Variants in TMEM63A observed in about 807,000 individuals in gnomAD.
The protein encoded by TMEM63A is transmembrane protein 63A, also known as mechanosensitive cation channel TMEM63A.
In TMEM63A, 76 loss-of-function variants were observed where a neutral mutation model predicts 100.6. The observed-to-expected ratio is 0.76, with a 90% CI of 0.63 to 0.91. TMEM63A has a LOEUF of 0.91. Among genes scored for constraint, TMEM63A ranks in the 40% least tolerant of loss-of-function variants. The pLI is 0.00. For missense variants in TMEM63A, 876 were observed against 1,008.8 expected, an observed-to-expected ratio of 0.87 and a Z score of 1.78; for synonymous variants, 401 against 401.1, an observed-to-expected ratio of 1.00 and a Z score of 0.00.
rs1670286448 is a variant in TMEM63A at position 225,867,769 on chromosome 1, C to T, written c.514+119G>A. The stretch of plus-strand genomic sequence containing the variant: ...GAAATGTTCAGAGTCACCCTGAGAC[C>T]ATCTTACATCTGAAGTGGGGCATGA... On this transcript the variant is annotated intron_variant, in intron 7 of 24. Coordinates refer to ENST00000366835, the MANE Select transcript of TMEM63A (RefSeq NM_014698.3). This position sits in a 1 kb window ranked among gnomAD's most constrained non-coding sequence, Gnocchi z 4.6. 14 of 1,335,830 alleles carry T rather than the reference C, an allele frequency of 1.0e-5. No homozygotes were observed. The South Asian group carries it at 1.9e-4, about 18-fold the overall frequency. The allele number at this position is 1,335,830 out of a possible 1,614,324, so 82.7% of individuals were successfully genotyped here. A position where few individuals can be genotyped will look rare whatever the true frequency, so the allele number is the denominator to read the frequency against.
chr1:225,865,886 C>A lies in TMEM63A; in HGVS notation c.746+11G>T, dbSNP rs78657537. 6.2e-7 allele frequency: 1 copy of A among 1,613,602 alleles called. No homozygotes were observed. Among genetic ancestry groups the A allele is most frequent in the Non-Finnish European group, 8.5e-7 (1 of 1,179,808 alleles). On this transcript the variant is annotated intron_variant, in intron 10 of 24. Transcript: ENST00000366835. This position sits in a 1 kb window ranked among gnomAD's most constrained non-coding sequence, Gnocchi z 4.6. ...AGGGGGCTCAGCTCCCCTCCCACCC[C>A]ACCTGCTTACCGGAAGTGGCTCTCC...
intron 3 of TMEM63A, among the ~76,000 whole-genome samples, chr1:225,875,928 C>T (rs1163512795): frequency 1.3e-5 from 2 of 151,598 alleles, no homozygotes; most frequent in South Asian, 2.1e-4. Context: ...AACCCAGACA[C>T]GGTGGCATGT....
downstream of TMEM63A, chr1:225,842,460 T>C (rs1559026521): frequency 6.2e-7 from 1 of 1,613,092 alleles, no homozygotes; most frequent in Non-Finnish European, 8.5e-7. Context: ...ACCTGGAGGA[T>C]GGAGGCCTGG....
chr1:225,870,089 C>T (rs112950033), intron 6 of TMEM63A, among the ~76,000 whole-genome samples: 67 of 152,176 alleles, frequency 4.4e-4, no homozygotes, highest in African/African-American at 1.5e-3. Flanking sequence ...GTGGCTCATG[C>T]CTATAATCCC....
In TMEM63A at chr1:225,866,534, G is replaced by C. The variant is rs778020972; in HGVS notation, c.675+40C>G. 1.1e-5 allele frequency: 18 copies of C among 1,587,082 alleles called. No homozygotes were observed. In the Admixed American group the frequency reaches 2.9e-4, roughly 25 times the overall value. ...CCCTTCCACTCCGACTCCCACCTGA[G>C]TCCCTCCCAGCACATGTCCCTAAGT... On this transcript the variant is annotated intron_variant, in intron 9 of 24. Transcript: ENST00000366835.
chr1:225,850,962 T>C (rs1226972881), intron 20 of TMEM63A, among the ~76,000 whole-genome samples: 1 of 152,058 alleles, frequency 6.6e-6, no homozygotes, highest in Non-Finnish European at 1.5e-5. Context: ...CCGCCCACCT[T>C]TGCCTCCCAA....
chr1:225,860,748 G>C, intron 14 of TMEM63A, 112 bp downstream of exon 14: 1 of 1,334,712 alleles, frequency 7.5e-7, no homozygotes, highest in Non-Finnish European at 1.0e-6. Flanking sequence ...CAGAATTGCA[G>C]ATGTGTGGAG....
At chr1:225,863,137 T>C (rs977939722) in intron 10 of TMEM63A, 4 of 389,368 alleles carry the variant, frequency 1.0e-5, no homozygotes, top group Non-Finnish European at 1.4e-5. Context: ...CACTGTAGCC[T>C]CAACCTTCTG....
At chr1:225,842,682 G>A (rs929157872), downstream of TMEM63A, among the ~76,000 whole-genome samples, 4 of 152,238 alleles carry the variant, frequency 2.6e-5, no homozygotes, top group Non-Finnish European at 5.9e-5. Flanking sequence ...CACAGTGCAT[G>A]GTCAAGACTA....
At chr1:225,840,903 T>C (rs1668344311), downstream of TMEM63A, 1 of 152,230 alleles carries the variant, frequency 6.6e-6, no homozygotes, top group Admixed American at 6.5e-5. Context: ...AATGGCACTT[T>C]ATAAAAGTCA....
rs1670278938 is a variant in TMEM63A, at chr1:225,867,633, C to T, written c.514+255G>A. ...GAAAGTATAAAAGACTCTCTGATAG[C>T]CCCTGATTCTGTAAATCTTGGGGGG... On this transcript the variant is annotated intron_variant, in intron 7 of 24. Transcript: ENST00000366835. This position sits in a 1 kb window ranked among gnomAD's most constrained non-coding sequence, Gnocchi z 4.6. Among the ~76,000 whole-genome samples the T allele has an allele frequency of 6.6e-6, 1 of 152,146 alleles. No homozygotes were observed. Among genetic ancestry groups the T allele is most frequent in the Non-Finnish European group, 1.5e-5 (1 of 68,028 alleles).
In TMEM63A at chr1:225,862,332, T is replaced by C. The variant is rs969381263; in HGVS notation, c.971A>G (p.Tyr324Cys). The C allele has an allele frequency of 1.2e-6, 2 of 1,614,058 alleles. No homozygotes were observed. Among genetic ancestry groups the C allele is most frequent in the African/African-American group, 2.7e-5 (2 of 74,922 alleles). Reference sequence around the variant, plus strand: ...CAGCAGCCTGTCCTTCATCCGTGTGTAGTAAGAGATGGCGTCTTCCTGCCA... The same window carrying C: ...CAGCAGCCTGTCCTTCATCCGTGTGCAGTAAGAGATGGCGTCTTCCTGCCA... The part of the protein sequence containing the change: ...GCEWEDAISY[Y>C]TRMKDRLLER... The change falls in exon 13 of 25, where the codon TAC becomes TGC. Residue 324 changes from tyrosine (Y) to cysteine (C), a missense_variant. Tyr to Cys is a radical substitution (Grantham distance 194). This residue lies in a region of TMEM63A where 487 missense variants were observed against 581.9 expected (regional missense o/e 0.84). Coordinates refer to ENST00000366835, the MANE Select transcript of TMEM63A (RefSeq NM_014698.3). This position sits in a 1 kb window ranked among gnomAD's most constrained non-coding sequence, Gnocchi z 5.1.
rs572703249 is a variant in TMEM63A at position 225,861,120 on chromosome 1, G to A, written c.1086-123C>T. The A allele has an allele frequency of 6.0e-5, 70 of 1,158,814 alleles. 2 individuals carry two copies. In the South Asian group the frequency reaches 1.0e-3, roughly 17 times the overall value. The allele number at this position is 1,158,814 out of a possible 1,614,324, so 71.8% of individuals were successfully genotyped here. ...TAGGACCTTTGCTTTGTTGTGATTA[G>A]TGTATTATGAGTAACGCTATGTAAG... is the stretch of plus-strand genomic sequence containing the variant. On this transcript the variant is annotated intron_variant, in intron 13 of 24. Transcript: ENST00000366835.
intron 15 of TMEM63A, among the ~76,000 whole-genome samples, chr1:225,857,519 A>G (rs946177956): frequency 1.3e-5 from 2 of 152,130 alleles, no homozygotes; most frequent in African/African-American, 4.8e-5. Flanking sequence ...ACTGTCACTG[A>G]TTAGATGAAC....
chr1:225,872,125 A>G, intron 4 of TMEM63A, 72 bp from the exon 5 acceptor site: 2 of 1,203,024 alleles, frequency 1.7e-6, no homozygotes, highest in South Asian at 2.7e-5. Context: ...AGTCAAAAAG[A>G]TCACATCCAG....
At chr1:225,871,263 T>C in intron 5 of TMEM63A, 150 bp from the exon 6 acceptor site, 3 of 731,626 alleles carry the variant, frequency 4.1e-6, no homozygotes, top group Non-Finnish European at 6.9e-6. Flanking sequence ...ATGAGCCCAG[T>C]ACTTCACAAT....
At chr1:225,842,624 G>A (rs1475606725), downstream of TMEM63A, 6 of 722,460 alleles carry the variant, frequency 8.3e-6, no homozygotes, top group African/African-American at 1.7e-5. Context: ...TGTGACCAAC[G>A]TAGCTGCATT....
At chr1:225,841,694 C>T (rs534814508), downstream of TMEM63A, among the ~76,000 whole-genome samples, 4 of 151,534 alleles carry the variant, frequency 2.6e-5, no homozygotes, top group African/African-American at 9.7e-5. Flanking sequence ...CTCCACCTCC[C>T]GGGTTCAAGC....
At position 225,860,889 on chromosome 1, in the gene TMEM63A, G is replaced by A. The variant is rs1318709291; in HGVS notation, c.1194C>T (p.Thr398=). Residue 398 remains threonine, a synonymous_variant, in exon 14 of 25, where the codon ACC becomes ACT. Transcript: ENST00000366835. ...AGATGTCCTCAGGGTCAGCAGCAAA[G>A]GTGACTGTCCACTTGGAGGTATAGA... is the stretch of plus-strand genomic sequence containing the variant. ...RELYTSKWTV[T]FAADPEDICW... 1.9e-6 allele frequency: 3 copies of A among 1,611,942 alleles called. No homozygotes were observed. The highest frequency in any genetic ancestry group is 2.5e-6 in the Non-Finnish European group (3 of 1,179,052).
Sources: allele counts gnomAD v4.1 joint callset (sites outside exome capture counted in the v4.1 genomes callset), GRCh38; gene constraint gnomAD v4.1.1; regional missense constraint gnomAD v4.1.1; non-coding constraint Gnocchi (gnomAD v3.1); transcripts MANE v1.5; gene names NCBI Gene and HGNC (gene_info 2026-07-23, HGNC 2026-07-21).